RMST: variants seen among roughly 807,000 people sequenced by gnomAD.
RMST encodes the protein long intergenic non-protein coding RNA 54.
At chr12:97,547,307 C>G (rs1883014709) in intron 11 of RMST, among the ~76,000 whole-genome samples, 1 of 151,804 alleles carries the variant, frequency 6.6e-6, no homozygotes, top group South Asian at 2.1e-4. Context: ...TAGGCTGATT[C>G]TTCATCTTGG....
At chr12:97,541,047 A>G (rs565198558) in intron 11 of RMST, among the ~76,000 whole-genome samples, 5 of 151,732 alleles carry the variant, frequency 3.3e-5, no homozygotes, top group African/African-American at 1.2e-4. Context: ...TTGTACACAT[A>G]TATCATTTAT....
At chr12:97,483,273 T>C (rs1875659070) in intron 5 of RMST, among the ~76,000 whole-genome samples, 1 of 152,200 alleles carries the variant, frequency 6.6e-6, no homozygotes, top group Non-Finnish European at 1.5e-5. Flanking sequence ...ATAGAGGTTT[T>C]TGTGGTAAGC....
rs561597440 is a variant in RMST, at chr12:97,492,427, G to GT, written n.645-24dup. 519 of 151,256 alleles carry GT rather than the reference G, an allele frequency of 3.4e-3. 1 individual carries two copies. Among genetic ancestry groups the GT allele is most frequent in the Admixed American group, 7.2e-3 (113 of 15,776 alleles). The allele number at this position is 151,256 out of a possible 1,614,324, so 9.4% of individuals were successfully genotyped here. A position where few individuals can be genotyped will look rare whatever the true frequency, so the allele number is the denominator to read the frequency against. ...TTTTTTGTTTATTTGTTTGCTTGTTGTTTTTTTTTTAACGCTACATTTTTA... is the reference window on the plus strand; with the variant it reads ...TTTTTTGTTTATTTGTTTGCTTGTTGTTTTTTTTTTTAACGCTACATTTTTA... On this transcript the variant is annotated intron_variant and non_coding_transcript_variant, in intron 5 of 13. Coordinates refer to ENST00000640149, the Ensembl canonical transcript of RMST.
chr12:97,527,740 A>G (rs1258580813), intron 10 of RMST, among the ~76,000 whole-genome samples: 1 of 152,144 alleles, frequency 6.6e-6, no homozygotes, highest in Non-Finnish European at 1.5e-5. Context: ...GAAGTCCTCC[A>G]TATCTATTGT....
chr12:97,548,378 T>C (rs561379691), intron 11 of RMST, among the ~76,000 whole-genome samples: 6 of 152,246 alleles, frequency 3.9e-5, no homozygotes, highest in South Asian at 4.1e-4. Context: ...CTATTCACAG[T>C]CTTTTGTGGT....
In RMST at chr12:97,506,641, T is replaced by C. The variant is rs376809753; in HGVS notation, n.1340+10585T>C. Among the ~76,000 whole-genome samples the C allele has an allele frequency of 5.3e-5, 8 of 150,938 alleles. No individual in the cohort carries two copies. In the East Asian group the frequency reaches 9.7e-4, roughly 18 times the overall value. The stretch of plus-strand genomic sequence containing the variant: ...AAAAGATGACATTTAAGCTGATTGC[T>C]GAAGCATGCGGATTGAAGACATTAG... On this transcript the variant is annotated intron_variant and non_coding_transcript_variant, in intron 10 of 13. Transcript: ENST00000640149.
At chr12:97,468,499 G>A (rs898848637) in intron 5 of RMST, among the ~76,000 whole-genome samples, 2 of 151,858 alleles carry the variant, frequency 1.3e-5, no homozygotes, top group African/African-American at 4.8e-5. Flanking sequence ...TATGTTAGTT[G>A]ACATTATTTA....
chr12:97,482,183 C>T (rs1048459574), intron 5 of RMST, among the ~76,000 whole-genome samples: 1 of 152,152 alleles, frequency 6.6e-6, no homozygotes. Context: ...AGTACATTGT[C>T]CAGTTTTTAT....
Position 97,512,631 on chromosome 12 carries a change from A to C in RMST, n.1340+16575A>C, listed in dbSNP as rs370173222. Among the ~76,000 whole-genome samples the C allele has an allele frequency of 5.3e-5, 8 of 152,326 alleles. No individual in the cohort carries two copies. The South Asian group carries it at 8.3e-4, about 16-fold the overall frequency. Reference sequence around the variant, plus strand: ...GGTGTGTTTACAAACCTTGAGCTAGATACAGAGTGCCCATTGGTGTATTTA... The same window carrying C: ...GGTGTGTTTACAAACCTTGAGCTAGCTACAGAGTGCCCATTGGTGTATTTA... On this transcript the variant is annotated intron_variant and non_coding_transcript_variant, in intron 10 of 13. Coordinates refer to ENST00000640149, the Ensembl canonical transcript of RMST.
intron 11 of RMST, among the ~76,000 whole-genome samples, chr12:97,553,220 T>A (rs1883430534): frequency 6.6e-6 from 1 of 152,190 alleles, no homozygotes; most frequent in Non-Finnish European, 1.5e-5. Context: ...TTGCCTGTGA[T>A]AATAACAAAA....
At chr12:97,523,986 G>C (rs1880792544) in intron 10 of RMST, among the ~76,000 whole-genome samples, 1 of 147,846 alleles carries the variant, frequency 6.8e-6, no homozygotes, top group Admixed American at 6.9e-5. Flanking sequence ...TGAAGCGGGA[G>C]AATGGCGTGA....
chr12:97,512,740 C>A (rs533222332), intron 10 of RMST, among the ~76,000 whole-genome samples: 3 of 151,826 alleles, frequency 2.0e-5, no homozygotes, highest in Non-Finnish European at 2.9e-5. Flanking sequence ...GATCCCGCAC[C>A]GGGGCTGCAG....
intron 5 of RMST, among the ~76,000 whole-genome samples, chr12:97,490,774 A>G (rs2136448831): frequency 6.6e-6 from 1 of 152,322 alleles, no homozygotes; most frequent in Middle Eastern, 3.4e-3. Flanking sequence ...TATAATTTGA[A>G]TGGTAATTTA....
chr12:97,544,887 C>A (rs1476031444), intron 11 of RMST, among the ~76,000 whole-genome samples: 1 of 151,896 alleles, frequency 6.6e-6, no homozygotes, highest in Non-Finnish European at 1.5e-5. Flanking sequence ...AATTTCTGCC[C>A]CCACTAACAG....
chr12:97,528,365 T>C (rs771483609), intron 10 of RMST, among the ~76,000 whole-genome samples: 5 of 152,172 alleles, frequency 3.3e-5, no homozygotes, highest in Non-Finnish European at 7.4e-5. Context: ...CAAATTTATT[T>C]CTTGATTTCC....
rs1877111509 is a variant in RMST at position 97,493,727 on chromosome 12, C to T, written n.900-148C>T. 2.0e-5 allele frequency: 3 copies of T among 152,234 alleles called. No individual in the cohort carries two copies. In the South Asian group the frequency reaches 6.2e-4, roughly 32 times the overall value. The allele number at this position is 152,234 out of a possible 1,614,324, so 9.4% of individuals were successfully genotyped here. A position where few individuals can be genotyped will look rare whatever the true frequency, so the allele number is the denominator to read the frequency against. On this transcript the variant is annotated intron_variant and non_coding_transcript_variant, in intron 7 of 13. Coordinates refer to ENST00000640149, the Ensembl canonical transcript of RMST. The stretch of plus-strand genomic sequence containing the variant: ...AAATATGAGCCCATCACTAACCTTC[C>T]TTATTTAAGCTATGTATTTTTCCAG...
intron 11 of RMST, among the ~76,000 whole-genome samples, chr12:97,554,037 C>T (rs1883510193): frequency 6.7e-6 from 1 of 150,364 alleles, no homozygotes; most frequent in Non-Finnish European, 1.5e-5. Context: ...TCACTGCAAC[C>T]TCCGCCTCCC....
intron 10 of RMST, among the ~76,000 whole-genome samples, chr12:97,499,657 C>CTTTTTTT (rs540776298): frequency 3.0e-5 from 4 of 131,912 alleles, no homozygotes; most frequent in African/African-American, 1.2e-4. Flanking sequence ...TTTTTTCTTT[C>CTTTTTTT]TTTTTTTTTT....
chr12:97,561,834 A>T (rs1166700398), intron 13 of RMST, among the ~76,000 whole-genome samples: 1 of 151,958 alleles, frequency 6.6e-6, no homozygotes, highest in Non-Finnish European at 1.5e-5. Context: ...ACAAGATAAG[A>T]TTCTCCCTGA....
Sources: allele counts gnomAD v4.1 joint callset (sites outside exome capture counted in the v4.1 genomes callset), GRCh38; gene constraint gnomAD v4.1.1; transcripts MANE v1.5; gene names NCBI Gene and HGNC (gene_info 2026-07-23, HGNC 2026-07-21).